GRID1: variants seen among roughly 807,000 people sequenced by gnomAD.
GRID1 encodes glutamate receptor ionotropic, delta-1.
A neutral mutation model predicts 98.0 loss-of-function variants in GRID1; 28 were observed. The observed-to-expected ratio is 0.29, with a 90% CI of 0.21 to 0.39. GRID1 has a LOEUF of 0.39. Ranked by LOEUF, GRID1 falls within the 10% of genes least tolerant of loss-of-function variation. GRID1 has a pLI of 1.00. For synonymous variants in GRID1, 553 were observed against 538.5 expected (o/e 1.03, Z -0.37); for missense variants, 1,111 against 1,340.5 (o/e 0.83, Z 2.67).
intron 4 of GRID1, among the ~76,000 whole-genome samples, chr10:86,084,406 AC>A (rs1024824238): frequency 7.2e-5 from 11 of 152,010 alleles, no homozygotes; most frequent in African/African-American, 2.7e-4. Flanking sequence ...AGAAATTGGA[AC>A]CCTTATGCAC....
intron 12 of GRID1, among the ~76,000 whole-genome samples, chr10:85,661,004 T>G (rs1840959594): frequency 1.3e-5 from 2 of 152,128 alleles, no homozygotes; most frequent in Admixed American, 1.3e-4. Flanking sequence ...AATGCCAGTC[T>G]GTGGGAAGCA....
chr10:86,134,896 A>G (rs1230033806), intron 4 of GRID1, among the ~76,000 whole-genome samples: 1 of 152,138 alleles, frequency 6.6e-6, no homozygotes, highest in Non-Finnish European at 1.5e-5. Context: ...TTACAGGTAA[A>G]AGGGTCTGTT....
In GRID1 at chr10:85,722,068, T is replaced by C. The variant is rs188921698; in HGVS notation, c.1997+935A>G. Among the ~76,000 whole-genome samples the C allele has an allele frequency of 7.7e-4, 118 of 152,322 alleles. 1 individual carries two copies. The highest frequency in any genetic ancestry group is 2.8e-3 in the African/African-American group (117 of 41,574). On this transcript the variant is annotated intron_variant, in intron 12 of 15. Transcript: ENST00000327946. ...AATAAAAATGTCAATTTAATAAAGA[T>C]ATTAGACAATATCATACTGAATCTT...
At chr10:85,997,245 CA>C (rs1217626172) in intron 4 of GRID1, among the ~76,000 whole-genome samples, 1 of 151,910 alleles carries the variant, frequency 6.6e-6, no homozygotes, top group African/African-American at 2.4e-5. Context: ...ACTAAAAATA[CA>C]AAAATTAGCT....
rs1554857289 is a variant in GRID1 at position 85,599,800 on chromosome 10, A to ATATATATATATATATAT, written c.*2472_*2473insATATATATATATATATA. ...GGGTAGAAAATTCTAAAAAAAAAAAAAAATATATATATATATATATAAACA... is the reference window on the plus strand; with the variant it reads ...GGGTAGAAAATTCTAAAAAAAAAAAATATATATATATATATATAAATATATATATATATATATAAACA... On this transcript the variant is annotated 3_prime_UTR_variant, in exon 16 of 16. Coordinates refer to ENST00000327946, the MANE Select transcript of GRID1 (RefSeq NM_017551.3). The ATATATATATATATATAT allele has an allele frequency of 4.3e-5, 2 of 46,384 alleles. No individual in the cohort carries two copies. The highest frequency in any genetic ancestry group is 2.7e-4 in the African/African-American group (2 of 7,506). The allele number at this position is 46,384 out of a possible 1,614,324, so 2.9% of individuals were successfully genotyped here. A position where few individuals can be genotyped will look rare whatever the true frequency, so the allele number is the denominator to read the frequency against.
At chr10:85,966,837 T>C (rs1246215082) in intron 4 of GRID1, among the ~76,000 whole-genome samples, 1 of 149,948 alleles carries the variant, frequency 6.7e-6, no homozygotes, top group African/African-American at 2.5e-5. Flanking sequence ...CAGAAAGAAA[T>C]ATATGACCAC....
In GRID1 at chr10:85,857,690, G is replaced by A. The variant is rs1373905377; in HGVS notation, c.952-1500C>T. Among the ~76,000 whole-genome samples, 5 of 152,286 alleles carry A rather than the reference G, an allele frequency of 3.3e-5. No homozygotes were observed. In the East Asian group the frequency reaches 7.7e-4, roughly 24 times the overall value. On this transcript the variant is annotated intron_variant, in intron 6 of 15. Transcript: ENST00000327946. ...TCTCTGAACGCCTAAGCAGCAAGTC[G>A]TCTGCTAAAAATATTTTAGAAAAAC...
chr10:85,900,959 A>G (rs1338711276), intron 5 of GRID1, among the ~76,000 whole-genome samples: 1 of 152,198 alleles, frequency 6.6e-6, no homozygotes, highest in East Asian at 1.9e-4. Context: ...GAAGACATTA[A>G]TAAGTATTGC....
intron 8 of GRID1, among the ~76,000 whole-genome samples, chr10:85,843,878 A>ATT (rs35305458): frequency 9.0e-4 from 137 of 151,652 alleles, no homozygotes; most frequent in African/African-American, 2.6e-3. Flanking sequence ...TTTGGCTGTA[A>ATT]TTTTTTTTTA....
chr10:85,678,035 C>T (rs1841165035), intron 12 of GRID1, among the ~76,000 whole-genome samples: 1 of 152,090 alleles, frequency 6.6e-6, no homozygotes. Flanking sequence ...TCTTTAGTGA[C>T]TTGGCACTAA....
At chr10:85,702,985 G>C (rs143864946) in intron 12 of GRID1, among the ~76,000 whole-genome samples, 2 of 151,034 alleles carry the variant, frequency 1.3e-5, no homozygotes, top group African/African-American at 4.9e-5. Context: ...GAAAGGAGGA[G>C]GAAATAAGGA....
intron 3 of GRID1, among the ~76,000 whole-genome samples, chr10:86,173,857 A>T (rs564790801): frequency 3.6e-4 from 55 of 151,826 alleles, no homozygotes; most frequent in African/African-American, 1.2e-3. Context: ...TAGTTTACTG[A>T]GAATGATGAT....
At position 85,916,075 on chromosome 10, in the gene GRID1, A is replaced by G; in HGVS notation, c.780+111T>C. 1 of 837,950 alleles carries G rather than the reference A, an allele frequency of 1.2e-6. No homozygotes were observed. Among genetic ancestry groups the G allele is most frequent in the Non-Finnish European group, 2.0e-6 (1 of 506,180 alleles). The allele number at this position is 837,950 out of a possible 1,614,324, so 51.9% of individuals were successfully genotyped here. A position where few individuals can be genotyped will look rare whatever the true frequency, so the allele number is the denominator to read the frequency against. On this transcript the variant is annotated intron_variant, in intron 5 of 15. Transcript: ENST00000327946. This position sits in a 1 kb window ranked among gnomAD's most constrained non-coding sequence, Gnocchi z 4.0. ...TGCCTGGGCTAGGTGGAGCCCCAGG[A>G]TTCACAACAGCCCCCTAAGTCAGAA...
chr10:85,875,019 C>T (rs1426729891), intron 5 of GRID1, among the ~76,000 whole-genome samples: 1 of 152,086 alleles, frequency 6.6e-6, no homozygotes, highest in African/African-American at 2.4e-5. Flanking sequence ...TCGCATGCCA[C>T]TACGCCTGGC....
At chr10:86,003,888 C>T (rs553175273) in intron 4 of GRID1, among the ~76,000 whole-genome samples, 2 of 152,306 alleles carry the variant, frequency 1.3e-5, no homozygotes, top group East Asian at 1.9e-4. Context: ...AACCTGCCAA[C>T]TTGCCTGCCC....
intron 4 of GRID1, among the ~76,000 whole-genome samples, chr10:85,944,035 C>T (rs1348834305): frequency 6.6e-6 from 1 of 152,228 alleles, no homozygotes; most frequent in East Asian, 1.9e-4. Flanking sequence ...TCTGTCTAGC[C>T]TGGTGGATTA....
intron 5 of GRID1, among the ~76,000 whole-genome samples, chr10:85,910,075 T>C (rs752496866): frequency 1.3e-5 from 2 of 152,190 alleles, no homozygotes; most frequent in Non-Finnish European, 2.9e-5. Context: ...CAGTAAGATA[T>C]GCTCCCTGTC....
intron 8 of GRID1, among the ~76,000 whole-genome samples, chr10:85,839,939 C>G (rs1435322333): frequency 1.3e-5 from 2 of 152,116 alleles, no homozygotes; most frequent in East Asian, 3.8e-4. Context: ...ATTGACTCCA[C>G]AGAAATACAA....
chr10:85,599,802 A>AAAAAAAAAAAAATAAAT lies in GRID1; in HGVS notation c.*2470_*2471insATTTATTTTTTTTTTTT. On this transcript the variant is annotated 3_prime_UTR_variant, in exon 16 of 16. Transcript: ENST00000327946. ...GTAGAAAATTCTAAAAAAAAAAAAA[A>AAAAAAAAAAAAATAAAT]ATATATATATATATATATAAACATG... 1.5e-5 allele frequency: 1 copy of AAAAAAAAAAAAATAAAT among 65,000 alleles called. No individual in the cohort carries two copies. Among genetic ancestry groups the AAAAAAAAAAAAATAAAT allele is most frequent in the Non-Finnish European group, 2.6e-5 (1 of 38,794 alleles). The allele number at this position is 65,000 out of a possible 1,614,324, so 4.0% of individuals were successfully genotyped here.
Sources: allele counts gnomAD v4.1 joint callset (sites outside exome capture counted in the v4.1 genomes callset), GRCh38; gene constraint gnomAD v4.1.1; non-coding constraint Gnocchi (gnomAD v3.1); transcripts MANE v1.5; gene names NCBI Gene and HGNC (gene_info 2026-07-23, HGNC 2026-07-21).